The following RFX3 variants were observed in gnomAD, a reference collection of about 807,000 sequenced individuals.
RFX3 encodes the protein regulatory factor X3.
In RFX3, 14 loss-of-function variants were observed where a neutral mutation model predicts 98.6. That is an observed-to-expected ratio of 0.14 (90% CI 0.09 to 0.22). The LOEUF is 0.22. Ranked by LOEUF, RFX3 falls within the 10% of genes least tolerant of loss-of-function variation. The pLI is 1.00. For missense variants in RFX3, 639 were observed against 926.9 expected, an observed-to-expected ratio of 0.69 and a Z score of 4.03; for synonymous variants, 383 against 328.4, an observed-to-expected ratio of 1.17 and a Z score of -1.80.
intron 15 of RFX3, among the ~76,000 whole-genome samples, chr9:3,240,648 G>T (rs1819787393): frequency 6.6e-6 from 1 of 152,090 alleles, no homozygotes; most frequent in South Asian, 2.1e-4. Context: ...GACATTTTAT[G>T]GTAGTATATT....
intron 2 of RFX3, among the ~76,000 whole-genome samples, chr9:3,372,214 G>A (rs1359866806): frequency 6.6e-6 from 1 of 152,144 alleles, no homozygotes; most frequent in African/African-American, 2.4e-5. Context: ...CTCTGCCTAT[G>A]ACCAACAGAA....
At chr9:3,258,403 AG>A (rs1395342350) in intron 13 of RFX3, among the ~76,000 whole-genome samples, 19 of 152,158 alleles carry the variant, frequency 1.2e-4, no homozygotes, top group Admixed American at 1.2e-3. Context: ...TCCATCTTCT[AG>A]TTCCAGTATC....
At chr9:3,251,590 C>T (rs1203933317) in intron 14 of RFX3, among the ~76,000 whole-genome samples, 1 of 152,006 alleles carries the variant, frequency 6.6e-6, no homozygotes, top group East Asian at 1.9e-4. Context: ...GCCTCAGCCT[C>T]CCCCAAATAG....
chr9:3,409,849 G>A (rs150767260), intron 1 of RFX3, among the ~76,000 whole-genome samples: 53 of 152,046 alleles, frequency 3.5e-4, no homozygotes, highest in Non-Finnish European at 5.9e-5. Context: ...CCATTTCACA[G>A]AGAAACTGAG....
intron 13 of RFX3, among the ~76,000 whole-genome samples, chr9:3,258,729 G>C (rs938409676): frequency 3.3e-5 from 5 of 151,774 alleles, no homozygotes; most frequent in Admixed American, 2.6e-4. Context: ...GCAACAGTAA[G>C]AAATTACAGC....
intron 1 of RFX3, among the ~76,000 whole-genome samples, chr9:3,453,295 G>T (rs1263864556): frequency 6.6e-6 from 1 of 151,986 alleles, no homozygotes; most frequent in African/African-American, 2.4e-5. Context: ...ATTATTCGCA[G>T]TTCATTAGGG....
chr9:3,370,953 C>G (rs775946136), intron 2 of RFX3, among the ~76,000 whole-genome samples: 1 of 151,812 alleles, frequency 6.6e-6, no homozygotes, highest in Non-Finnish European at 1.5e-5. Flanking sequence ...GAGTAATGAC[C>G]AAGAATGTAA....
At chr9:3,268,671 A>C (rs1028158618) in intron 11 of RFX3, among the ~76,000 whole-genome samples, 2 of 151,962 alleles carry the variant, frequency 1.3e-5, no homozygotes, top group African/African-American at 2.4e-5. Context: ...TGGTTTTCAA[A>C]TCAAAATTTG....
chr9:3,322,588 C>G (rs898188790), intron 4 of RFX3, among the ~76,000 whole-genome samples: 5 of 152,020 alleles, frequency 3.3e-5, no homozygotes, highest in African/African-American at 1.2e-4. Flanking sequence ...AAAAGATTAG[C>G]TGGGTTTGGT....
intron 1 of RFX3, among the ~76,000 whole-genome samples, chr9:3,396,323 G>C (rs533616192): frequency 3.9e-5 from 6 of 152,096 alleles, no homozygotes; most frequent in Non-Finnish European, 7.3e-5. Context: ...AGTTTGCTGA[G>C]AATGATGGTT....
rs562024336 is a variant in RFX3 at position 3,275,679 on chromosome 9, A to T, written c.974-67T>A. 83 of 892,572 alleles carry T rather than the reference A, an allele frequency of 9.3e-5. No individual in the cohort carries two copies. The East Asian group carries it at 2.1e-3, about 22-fold the overall frequency. 55.3% of individuals were successfully genotyped at this position (892,572 alleles called of 1,614,324 possible). ...GGTGCCAATTACAGATTAATGAGGG[A>T]AAATTTAAGAAGACCAAAAAGAAAA... On this transcript the variant is annotated intron_variant, in intron 8 of 16. Coordinates refer to ENST00000617270, the MANE Select transcript of RFX3 (RefSeq NM_001282116.2).
At chr9:3,490,479 T>C (rs1006001431) in intron 1 of RFX3, 1 of 163,422 alleles carries the variant, frequency 6.1e-6, no homozygotes, top group African/African-American at 2.4e-5. Flanking sequence ...ACTGAATTAT[T>C]TTAGAAGTAT....
rs2130530429 is a variant in RFX3 at position 3,223,660 on chromosome 9, T to C, written c.*1382A>G. ...GAAACTGATTTTTGTCTTTTTGTTT[T>C]CCTTTGTTTTCCCTAAATTTCCTTT... On this transcript the variant is annotated 3_prime_UTR_variant, in exon 17 of 17. Transcript: ENST00000617270. The C allele has an allele frequency of 6.6e-6, 1 of 152,354 alleles. No homozygotes were observed. The allele number at this position is 152,354 out of a possible 1,614,324, so 9.4% of individuals were successfully genotyped here.
In RFX3 at chr9:3,487,980, G is replaced by T. The variant is rs886410436; in HGVS notation, c.-9+37767C>A. Among the ~76,000 whole-genome samples, 7 of 152,074 alleles carry T rather than the reference G, an allele frequency of 4.6e-5. No individual in the cohort carries two copies. The East Asian group carries it at 1.3e-3, about 29-fold the overall frequency. On this transcript the variant is annotated intron_variant, in intron 1 of 16. Transcript: ENST00000617270. The stretch of plus-strand genomic sequence containing the variant: ...GCTACACACAAAAGAGCTTTGTAAA[G>T]CATGACCTTTGTGTAGCATGACCTA...
intron 1 of RFX3, among the ~76,000 whole-genome samples, chr9:3,517,474 A>C: frequency 6.6e-6 from 1 of 152,144 alleles, no homozygotes; most frequent in East Asian, 1.9e-4. Context: ...AGTTTTCCTA[A>C]GCTCAACTCC....
At chr9:3,479,854 G>A (rs1410528516) in intron 1 of RFX3, among the ~76,000 whole-genome samples, 4 of 152,156 alleles carry the variant, frequency 2.6e-5, no homozygotes, top group African/African-American at 9.7e-5. Flanking sequence ...TTTCTCTGAA[G>A]AGACTCAGAA....
At chr9:3,450,382 C>CT (rs199778413) in intron 1 of RFX3, among the ~76,000 whole-genome samples, 5,032 of 151,866 alleles carry the variant, frequency 0.033, 278 homozygotes, top group African/African-American at 0.11. Context: ...GTTTTTCTCT[C>CT]TTTTTTTTGC....
intron 1 of RFX3, among the ~76,000 whole-genome samples, chr9:3,517,533 T>C (rs7035879): frequency 0.95 from 144,801 of 152,266 alleles, 68,897 homozygotes; most frequent in East Asian, 1. Flanking sequence ...CCAAGAACCT[T>C]CAGAAATCTT....
intron 1 of RFX3, chr9:3,489,350 T>G (rs1444748329): frequency 4.9e-6 from 4 of 820,856 alleles, no homozygotes; most frequent in Non-Finnish European, 5.9e-6. Context: ...CACCCCACCC[T>G]GACTCCTGCT....
Sources: allele counts gnomAD v4.1 joint callset (sites outside exome capture counted in the v4.1 genomes callset), GRCh38; gene constraint gnomAD v4.1.1; transcripts MANE v1.5; gene names NCBI Gene and HGNC (gene_info 2026-07-23, HGNC 2026-07-21).